PTPN2: variants seen among roughly 807,000 people sequenced by gnomAD.
The protein encoded by PTPN2 is protein tyrosine phosphatase non-receptor type 2.
A neutral mutation model predicts 57.3 loss-of-function variants in PTPN2; 19 were observed. The observed-to-expected ratio is 0.33, with a 90% CI of 0.23 to 0.49. The LOEUF is 0.49. Ranked by LOEUF, PTPN2 falls within the 20% of genes least tolerant of loss-of-function variation. The pLI is 0.99. For missense variants in PTPN2, 358 were observed against 501.1 expected (o/e 0.71, Z 2.73); for synonymous variants, 153 against 164.9 (o/e 0.93, Z 0.55).
chr18:12,873,846 C>T (rs1357315398), intron 1 of PTPN2, among the ~76,000 whole-genome samples: 1 of 152,166 alleles, frequency 6.6e-6, no homozygotes, highest in Non-Finnish European at 1.5e-5. Context: ...AAGTGAGGAG[C>T]GTCTCTGCCC....
chr18:12,882,206 T>C (rs1259382982), intron 1 of PTPN2, among the ~76,000 whole-genome samples: 1 of 152,234 alleles, frequency 6.6e-6, no homozygotes, highest in East Asian at 1.9e-4. Context: ...CTACTTTTAC[T>C]GTAACACCAG....
intron 1 of PTPN2, among the ~76,000 whole-genome samples, chr18:12,881,336 C>T (rs1451741523): frequency 1.3e-5 from 2 of 152,146 alleles, no homozygotes; most frequent in Non-Finnish European, 2.9e-5. Context: ...ACGCAGGAGG[C>T]TGAGGTAAGT....
intron 7 of PTPN2, among the ~76,000 whole-genome samples, chr18:12,808,633 T>C (rs2041779309): frequency 6.6e-6 from 1 of 151,902 alleles, no homozygotes; most frequent in African/African-American, 2.4e-5. Flanking sequence ...ACAAAATAAT[T>C]AGCTGGGTGT....
At chr18:12,817,056 T>C in intron 6 of PTPN2, 100 bp downstream of exon 6, 1 of 1,161,624 alleles carries the variant, frequency 8.6e-7, no homozygotes, top group Non-Finnish European at 1.2e-6. Flanking sequence ...TTGAAAAACC[T>C]CAGTTCTGGG....
chr18:12,870,271 A>ATATGTG (rs1555679394), intron 1 of PTPN2, among the ~76,000 whole-genome samples: 1 of 93,388 alleles, frequency 1.1e-5, no homozygotes, highest in African/African-American at 6.5e-5. Context: ...ATATATATAT[A>ATATGTG]TGTATATATA....
chr18:12,814,162 T>TCA, intron 7 of PTPN2, 41 bp downstream of exon 7: 2 of 1,404,216 alleles, frequency 1.4e-6, no homozygotes, highest in South Asian at 2.5e-5. Flanking sequence ...GCTATGTGTA[T>TCA]TTAACAAATA....
At chr18:12,819,187 G>T in intron 5 of PTPN2, 1 of 1,105,542 alleles carries the variant, frequency 9.0e-7, no homozygotes, top group Non-Finnish European at 1.3e-6. Flanking sequence ...AAAATACAGT[G>T]AAATAAATTT....
intron 2 of PTPN2, among the ~76,000 whole-genome samples, chr18:12,837,689 T>A (rs1023913635): frequency 6.6e-6 from 1 of 152,194 alleles, no homozygotes; most frequent in Admixed American, 6.5e-5. Flanking sequence ...AAACATGGTG[T>A]TTGATGTTTA....
At chr18:12,842,144 G>T (rs1185371040) in intron 2 of PTPN2, among the ~76,000 whole-genome samples, 1 of 152,108 alleles carries the variant, frequency 6.6e-6, no homozygotes, top group African/African-American at 2.4e-5. Flanking sequence ...GACCTCAGGT[G>T]ATCCACCTGC....
intron 1 of PTPN2, among the ~76,000 whole-genome samples, chr18:12,876,296 A>AAAGAAGAAGAAGAAGAAG (rs71174150): frequency 0.036 from 5,161 of 145,130 alleles, 289 homozygotes; most frequent in African/African-American, 0.11. Context: ...ACAACAACAA[A>AAAGAAGAAGAAGAAGAAG]AAGAAGAAGA....
rs748912257 is a variant in PTPN2 at position 12,814,211 on chromosome 18, T to C, written c.850A>G (p.Ser284Gly). 24 of 1,587,122 alleles carry C rather than the reference T, an allele frequency of 1.5e-5. No homozygotes were observed. The highest frequency in any genetic ancestry group is 4.4e-4 in the Middle Eastern group (2 of 4,590). The change falls in exon 7 of 9, where the codon AGT (serine) becomes GGT (glycine). Residue 284 changes from serine to glycine, a missense_variant. Around this residue, in one of 4 missense-constraint regions of PTPN2, gnomAD observed 193 missense variants for 315.4 expected, o/e 0.61. Coordinates refer to ENST00000309660, the MANE Select transcript of PTPN2 (RefSeq NM_002828.4). ...ACCTGTATGAAGTTTACCTGTATAC[T>C]AGAATCTCCCTTTATACATTTTGCT... ...EGAKCIKGDS[S>G]IQKRWKELSK...
At chr18:12,796,735 T>C (rs2145228350) in intron 8 of PTPN2, among the ~76,000 whole-genome samples, 1 of 152,316 alleles carries the variant, frequency 6.6e-6, no homozygotes, top group East Asian at 1.9e-4. Flanking sequence ...TTCTCCAAAT[T>C]TGTTCCCCAC....
chr18:12,850,044 G>A lies in PTPN2; in HGVS notation c.160+9120C>T, dbSNP rs932109800. ...CTTGACAGAGTTGATCAGTCTTACC[G>A]AGGCTAACATTTAGTTTAGTTGGTC... On this transcript the variant is annotated intron_variant, in intron 2 of 8. Transcript: ENST00000309660. 2.6e-5 allele frequency among the ~76,000 whole-genome samples: 4 copies of A among 151,956 alleles called. No homozygotes were observed. In the South Asian group the frequency reaches 6.2e-4, roughly 24 times the overall value.
At chr18:12,805,180 G>A (rs1396165562) in intron 7 of PTPN2, among the ~76,000 whole-genome samples, 1 of 152,082 alleles carries the variant, frequency 6.6e-6, no homozygotes, top group Non-Finnish European at 1.5e-5. Context: ...ATAGCGGCTG[G>A]GCGTGGTGGT....
intron 2 of PTPN2, among the ~76,000 whole-genome samples, chr18:12,852,619 G>A (rs138477777): frequency 1.1e-3 from 171 of 152,258 alleles, no homozygotes; most frequent in African/African-American, 3.9e-3. Flanking sequence ...GGGCTCAAGC[G>A]ATCCTCCCTC....
intron 1 of PTPN2, chr18:12,862,598 G>T (rs2043852517): frequency 6.6e-6 from 1 of 152,240 alleles, no homozygotes; most frequent in Admixed American, 6.5e-5. Flanking sequence ...ACTGGGTTGG[G>T]GCTGCAGGAA....
intron 1 of PTPN2, among the ~76,000 whole-genome samples, chr18:12,860,704 G>A (rs2043775484): frequency 6.6e-6 from 1 of 152,194 alleles, no homozygotes; most frequent in South Asian, 2.1e-4. Context: ...GGAGGCTGCA[G>A]TGAGCTGAGA....
intron 7 of PTPN2, among the ~76,000 whole-genome samples, chr18:12,812,883 G>GA (rs994171796): frequency 2.0e-5 from 3 of 151,488 alleles, no homozygotes; most frequent in South Asian, 2.1e-4. Context: ...TAAATTAACA[G>GA]AAAAAAAATC....
chr18:12,842,664 G>A (rs558942706), intron 2 of PTPN2, among the ~76,000 whole-genome samples: 1 of 152,288 alleles, frequency 6.6e-6, no homozygotes, highest in African/African-American at 2.4e-5. Flanking sequence ...GGAGCCACGG[G>A]GACAAAGCGG....
Sources: allele counts gnomAD v4.1 joint callset (sites outside exome capture counted in the v4.1 genomes callset), GRCh38; gene constraint gnomAD v4.1.1; regional missense constraint gnomAD v4.1.1; transcripts MANE v1.5; gene names NCBI Gene and HGNC (gene_info 2026-07-23, HGNC 2026-07-21).